The following NFS1 variants were observed in gnomAD, a reference collection of about 807,000 sequenced individuals.
The protein encoded by NFS1 is NFS1 cysteine desulfurase.
Under a neutral mutation model 57.3 loss-of-function variants are expected in NFS1, and 26 were observed. The observed-to-expected ratio is 0.45, with a 90% CI of 0.33 to 0.63. NFS1 has a LOEUF of 0.63. NFS1 is among the 20% of genes least tolerant of loss of function. The pLI is 0.02. For synonymous variants in NFS1, 209 were observed against 216.3 expected, an observed-to-expected ratio of 0.97 and a Z score of 0.30; for missense variants, 505 against 605.8, an observed-to-expected ratio of 0.83 and a Z score of 1.75.
intron 5 of NFS1, among the ~76,000 whole-genome samples, chr20:35,686,051 TCCCAAGTA>T (rs1208707384): frequency 1.4e-5 from 2 of 147,968 alleles, no homozygotes; most frequent in African/African-American, 5.0e-5. Flanking sequence ...TGCCTCACCC[TCCCAAGTA>T]GCTGGGATTA....
chr20:35,698,913 C>A, intron 1 of NFS1: 1 of 1,314,946 alleles, frequency 7.6e-7, no homozygotes, highest in Non-Finnish European at 9.6e-7. Context: ...AGGTAACGGT[C>A]TGCACGGGAG....
chr20:35,682,081 A>T, intron 5 of NFS1, 100 bp from the exon 6 acceptor site: 4 of 594,214 alleles, frequency 6.7e-6, no homozygotes, highest in African/African-American at 1.8e-5. Context: ...CTTATACTAC[A>T]TACCTATCTG....
At chr20:35,696,855 C>G (rs2146441327) in intron 3 of NFS1, among the ~76,000 whole-genome samples, 1 of 152,070 alleles carries the variant, frequency 6.6e-6, no homozygotes, top group East Asian at 1.9e-4. Flanking sequence ...GCCTGTAATC[C>G]CAGCACTTTG....
At position 35,690,451 on chromosome 20, in the gene NFS1, AG is replaced by A. The variant is rs748609356; in HGVS notation, c.522del (p.Tyr175ThrfsTer12). ...ATCCCACTCTTCTGCACTGGGAGGT[AG>A]GTGACCTGAAAGCCCTCAGCTTCCA... is the stretch of plus-strand genomic sequence containing the variant. ...RSLEAEGFQV[T>X]YLPVQKSGII... On this transcript the variant is annotated frameshift_variant, in exon 5 of 13. Transcript: ENST00000374092. LOFTEE classifies it high-confidence loss of function. 2 of 1,613,812 alleles carry A rather than the reference AG, an allele frequency of 1.2e-6. No homozygotes were observed. Among genetic ancestry groups the A allele is most frequent in the Non-Finnish European group, 1.7e-6 (2 of 1,180,020 alleles).
intron 12 of NFS1, among the ~76,000 whole-genome samples, chr20:35,671,569 T>G (rs1184118145): frequency 6.6e-6 from 1 of 151,774 alleles, no homozygotes; most frequent in Non-Finnish European, 1.5e-5. Context: ...AGACACTTTC[T>G]CTAAAGATAA....
intron 4 of NFS1, among the ~76,000 whole-genome samples, chr20:35,690,980 A>G (rs1484438672): frequency 1.3e-5 from 2 of 152,208 alleles, no homozygotes; most frequent in Non-Finnish European, 2.9e-5. Flanking sequence ...ATGATGTATC[A>G]ATATCAGGTC....
chr20:35,688,450 G>C (rs773022551), intron 5 of NFS1, among the ~76,000 whole-genome samples: 1 of 151,896 alleles, frequency 6.6e-6, no homozygotes, highest in Non-Finnish European at 1.5e-5. Flanking sequence ...CTTGCTGCTC[G>C]GTAGGCTAAG....
intron 7 of NFS1, chr20:35,676,221 G>T: frequency 6.6e-6 from 1 of 152,156 alleles, no homozygotes; most frequent in East Asian, 1.9e-4. Flanking sequence ...GGAAGCAGAG[G>T]TTGCAGTGAG....
chr20:35,672,410 C>G (rs545352109), intron 12 of NFS1, among the ~76,000 whole-genome samples: 1 of 151,996 alleles, frequency 6.6e-6, no homozygotes, highest in African/African-American at 2.4e-5. Context: ...CCACCACTCC[C>G]GGCTAATTTT....
intron 6 of NFS1, 129 bp from the exon 7 acceptor site, chr20:35,681,000 C>T: frequency 1.5e-6 from 1 of 671,938 alleles, no homozygotes; most frequent in Non-Finnish European, 2.2e-6. Flanking sequence ...CTCCCTCCTT[C>T]TACCCCTTCT....
chr20:35,680,833 C>G lies in NFS1; in HGVS notation c.694G>C (p.Asp232His), dbSNP rs760012458. 6.3e-7 allele frequency: 1 copy of G among 1,579,868 alleles called. No individual in the cohort carries two copies. Among genetic ancestry groups the G allele is most frequent in the Non-Finnish European group, 8.6e-7 (1 of 1,164,638 alleles). ...ATTTTTCCAACAGCCTGGGCTGCAT[C>G]AGTATGGAAATATACCTTTCTGGAA... ...CSSRKVYFHTDAAQAVGKIPL... is the reference protein window; with the variant it reads ...CSSRKVYFHTHAAQAVGKIPL... The change falls in exon 7 of 13, where the codon GAT (aspartate) becomes CAT (histidine). Residue 232 changes from aspartate (D) to histidine (H), a missense_variant. By Grantham distance (81) the Asp-to-His change is moderately conservative. Transcript: ENST00000374092.
At chr20:35,698,616 CAAGT>C in intron 1 of NFS1, 26 bp from the exon 2 acceptor site, 1 of 1,565,924 alleles carries the variant, frequency 6.4e-7, no homozygotes, top group Non-Finnish European at 8.6e-7. Flanking sequence ...ACGGAGTAGC[CAAGT>C]AAGACCGAAG....
At chr20:35,698,380 C>T (rs1490014199) in intron 2 of NFS1, 101 bp downstream of exon 2, 29 of 939,524 alleles carry the variant, frequency 3.1e-5, no homozygotes, top group Non-Finnish European at 4.2e-5. Context: ...TCCAGCACAC[C>T]TTCACGGCTC....
chr20:35,698,825 G>A (rs1309309291), intron 1 of NFS1: 1 of 1,372,924 alleles, frequency 7.3e-7, no homozygotes. Context: ...AAATGGTATC[G>A]TAGGAAGGAA....
At chr20:35,686,770 G>A (rs1025063832) in intron 5 of NFS1, among the ~76,000 whole-genome samples, 3 of 152,094 alleles carry the variant, frequency 2.0e-5, no homozygotes, top group East Asian at 1.9e-4. Context: ...CCAAGGGCAC[G>A]AGCTGTTCCA....
At chr20:35,685,181 T>C (rs6121027) in intron 5 of NFS1, among the ~76,000 whole-genome samples, 13,778 of 151,134 alleles carry the variant, frequency 0.091, 1,125 homozygotes, top group African/African-American at 0.19. Context: ...CCACAGCACC[T>C]GGCCAAGGGA....
intron 1 of NFS1, chr20:35,698,936 T>A (rs1293416189): frequency 1.5e-6 from 2 of 1,307,914 alleles, no homozygotes; most frequent in African/African-American, 3.1e-5. Flanking sequence ...CGGAGCAGCA[T>A]CTGTAACTTG....
intron 1 of NFS1, chr20:35,698,957 G>C: frequency 7.6e-7 from 1 of 1,319,940 alleles, no homozygotes; most frequent in Non-Finnish European, 9.6e-7. Context: ...GCCAGGAGCG[G>C]TCTGAAGGAC....
intron 5 of NFS1, among the ~76,000 whole-genome samples, chr20:35,686,788 A>G (rs1417872861): frequency 6.6e-6 from 1 of 152,194 alleles, no homozygotes; most frequent in African/African-American, 2.4e-5. Flanking sequence ...CCAGTATAAT[A>G]AAATATATAA....
Sources: allele counts gnomAD v4.1 joint callset (sites outside exome capture counted in the v4.1 genomes callset), GRCh38; gene constraint gnomAD v4.1.1; transcripts MANE v1.5; gene names NCBI Gene and HGNC (gene_info 2026-07-23, HGNC 2026-07-21).